EIPR1: variants seen among roughly 807,000 people sequenced by gnomAD.
EIPR1 encodes the protein EARP and GARP complex-interacting protein 1.
EIPR1 carries 25 observed loss-of-function variants against 48.1 expected under a neutral mutation model. The ratio of observed to expected loss-of-function variants is 0.52; its 90% confidence interval spans 0.38 to 0.73. The LOEUF is 0.73. Among genes scored for constraint, EIPR1 ranks in the 30% least tolerant of loss-of-function variants. The probability of loss-of-function intolerance (pLI) is 0.00; values close to 1 mark genes in which losing one functional copy is unlikely to be tolerated. For synonymous variants in EIPR1, 204 were observed against 201.9 expected (o/e 1.01, Z -0.09); for missense variants, 415 against 506.2 (o/e 0.82, Z 1.73).
At chr2:3,273,200 T>C in intron 3 of EIPR1, among the ~76,000 whole-genome samples, 1 of 152,200 alleles carries the variant, frequency 6.6e-6, no homozygotes, top group African/African-American at 2.4e-5. Context: ...AAAAACAAAA[T>C]CATGCCTCTC....
Position 3,286,451 on chromosome 2 carries a change from C to G in EIPR1, c.260-28996G>C, listed in dbSNP as rs1668187834. 6.6e-6 allele frequency among the ~76,000 whole-genome samples: 1 copy of G among 152,136 alleles called. No homozygotes were observed. Among genetic ancestry groups the G allele is most frequent in the Admixed American group, 6.5e-5 (1 of 15,284 alleles). ...AAGGACCCCCGGGGGTGGGGCCATC[C>G]TACCAGGCATGTCCTGGGCACATGG... On this transcript the variant is annotated intron_variant, in intron 3 of 8. Coordinates refer to ENST00000382125, the MANE Select transcript of EIPR1 (RefSeq NM_003310.5). This position sits in a 1 kb window ranked among gnomAD's most constrained non-coding sequence, Gnocchi z 4.2.
chr2:3,271,263 C>T (rs1358081825), intron 3 of EIPR1, among the ~76,000 whole-genome samples: 1 of 152,158 alleles, frequency 6.6e-6, no homozygotes, highest in African/African-American at 2.4e-5. Flanking sequence ...TCAACTTCCC[C>T]CATTAACTTC....
chr2:3,208,553 C>G, intron 5 of EIPR1: 1 of 1,549,356 alleles, frequency 6.5e-7, no homozygotes, highest in Non-Finnish European at 8.7e-7. Flanking sequence ...TGAGAAATGA[C>G]CATTTGTTGG....
intron 5 of EIPR1, among the ~76,000 whole-genome samples, chr2:3,206,469 G>C (rs187619147): frequency 6.6e-6 from 1 of 152,330 alleles, no homozygotes; most frequent in African/African-American, 2.4e-5. Flanking sequence ...GTGGCCTCCT[G>C]GAAGAGTAGA....
At chr2:3,303,796 G>A (rs1668830943) in intron 3 of EIPR1, among the ~76,000 whole-genome samples, 1 of 152,178 alleles carries the variant, frequency 6.6e-6, no homozygotes, top group Admixed American at 6.5e-5. Context: ...TCTGCTGGCA[G>A]ACGGCGGGAT....
At position 3,356,801 on chromosome 2, in the gene EIPR1, G is replaced by A. The variant is rs544764954; in HGVS notation, c.43-2168C>T. ...AGAGGTGGTGAGGCAGGAGAACAGGGTCTGGAGGCAGGGCCTAAGGCCAAT... is the reference window on the plus strand; with the variant it reads ...AGAGGTGGTGAGGCAGGAGAACAGGATCTGGAGGCAGGGCCTAAGGCCAAT... On this transcript the variant is annotated intron_variant, in intron 1 of 8. Coordinates refer to ENST00000382125, the MANE Select transcript of EIPR1 (RefSeq NM_003310.5). Among the ~76,000 whole-genome samples, 18 of 152,320 alleles carry A rather than the reference G, an allele frequency of 1.2e-4. No individual in the cohort carries two copies. In the South Asian group the frequency reaches 3.5e-3, roughly 30 times the overall value.
At chr2:3,347,640 GT>G (rs1392364237) in intron 2 of EIPR1, among the ~76,000 whole-genome samples, 1 of 152,216 alleles carries the variant, frequency 6.6e-6, no homozygotes, top group Non-Finnish European at 1.5e-5. Flanking sequence ...TTCTTCAAGA[GT>G]GAGGGAAAAG....
At chr2:3,304,762 C>A (rs894538655) in intron 3 of EIPR1, among the ~76,000 whole-genome samples, 1 of 149,542 alleles carries the variant, frequency 6.7e-6, no homozygotes, top group Non-Finnish European at 1.5e-5. Flanking sequence ...CAGTTCAGCC[C>A]TCCAGTCCCG....
At chr2:3,304,817 C>T (rs1174987409) in intron 3 of EIPR1, among the ~76,000 whole-genome samples, 5 of 150,724 alleles carry the variant, frequency 3.3e-5, no homozygotes, top group Non-Finnish European at 7.4e-5. Flanking sequence ...CCTCCACTCC[C>T]GTCCAGTTCA....
At chr2:3,224,146 G>A (rs183402237) in intron 4 of EIPR1, among the ~76,000 whole-genome samples, 88 of 152,232 alleles carry the variant, frequency 5.8e-4, no homozygotes, top group African/African-American at 1.8e-3. Context: ...CCGCCTTACC[G>A]GCTAAACTTG....
At chr2:3,276,980 CTGTT>C (rs1295493135) in intron 3 of EIPR1, among the ~76,000 whole-genome samples, 1 of 152,150 alleles carries the variant, frequency 6.6e-6, no homozygotes, top group Non-Finnish European at 1.5e-5. Context: ...GGGAGCAAAC[CTGTT>C]TGTCAGTTAC....
chr2:3,326,196 A>G (rs1384432221), intron 3 of EIPR1, among the ~76,000 whole-genome samples: 1 of 152,230 alleles, frequency 6.6e-6, no homozygotes, highest in Non-Finnish European at 1.5e-5. Flanking sequence ...CTTGCAGGGT[A>G]CATAGATCCA....
intron 1 of EIPR1, among the ~76,000 whole-genome samples, chr2:3,359,326 A>G (rs1670801677): frequency 6.6e-6 from 1 of 152,224 alleles, no homozygotes; most frequent in South Asian, 2.1e-4. Context: ...TGCTTGAGTG[A>G]CAACAATGAA....
chr2:3,277,071 C>G (rs2462956), intron 3 of EIPR1, among the ~76,000 whole-genome samples: 1 of 151,990 alleles, frequency 6.6e-6, no homozygotes, highest in African/African-American at 2.4e-5. Flanking sequence ...GGTGAATGTA[C>G]GAGGAAGTCT....
chr2:3,358,333 G>T (rs901901045), intron 1 of EIPR1, among the ~76,000 whole-genome samples: 1 of 152,186 alleles, frequency 6.6e-6, no homozygotes, highest in African/African-American at 2.4e-5. Context: ...ACAATTTCAT[G>T]AACTGTTCTT....
intron 4 of EIPR1, among the ~76,000 whole-genome samples, chr2:3,246,404 A>C (rs1666795120): frequency 6.6e-6 from 1 of 152,122 alleles, no homozygotes. Context: ...AGCCACACAC[A>C]CTGCTTTCCT....
intron 2 of EIPR1, among the ~76,000 whole-genome samples, chr2:3,348,368 A>G (rs2103366246): frequency 6.6e-6 from 1 of 152,252 alleles, no homozygotes; most frequent in South Asian, 2.1e-4. Context: ...CTCATCTCTT[A>G]TCTACATGAG....
At chr2:3,240,132 T>TC (rs1558244208) in intron 4 of EIPR1, among the ~76,000 whole-genome samples, 4 of 127,770 alleles carry the variant, frequency 3.1e-5, no homozygotes, top group South Asian at 2.6e-4. Flanking sequence ...AGCCAGCAGA[T>TC]CCTTCCTAAA....
At chr2:3,219,338 A>C in intron 4 of EIPR1, among the ~76,000 whole-genome samples, 1 of 36,224 alleles carries the variant, frequency 2.8e-5, no homozygotes, top group Non-Finnish European at 6.2e-5. Context: ...ACCCTGGTAT[A>C]ATCTAGAGCA....
Sources: gnomAD v4.1 joint callset for allele counts (sites outside exome capture counted in the v4.1 genomes callset) on GRCh38, gnomAD v4.1.1 for gene constraint, Gnocchi (gnomAD v3.1) non-coding constraint, MANE v1.5 for transcripts, NCBI Gene and HGNC (gene_info 2026-07-23, HGNC 2026-07-21) for gene names.